KCNB2: variants seen among roughly 807,000 people sequenced by gnomAD.
KCNB2 encodes potassium voltage-gated channel subfamily B member 2.
KCNB2 carries 15 observed loss-of-function variants against 61.5 expected under a neutral mutation model. The observed-to-expected ratio is 0.24, with a 90% confidence interval of 0.16 to 0.38. The LOEUF is 0.38. Among genes scored for constraint, KCNB2 ranks in the 10% least tolerant of loss-of-function variants. The probability of loss-of-function intolerance (pLI) is 1.00; values close to 1 mark genes in which losing one functional copy is unlikely to be tolerated. For missense variants in KCNB2, 828 were observed against 1,125.2 expected (o/e 0.74, Z 3.78); for synonymous variants, 457 against 446.0 (o/e 1.02, Z -0.31).
At chr8:72,806,097 C>G (rs187116200) in intron 2 of KCNB2, among the ~76,000 whole-genome samples, 1 of 152,092 alleles carries the variant, frequency 6.6e-6, no homozygotes, top group South Asian at 2.1e-4. Context: ...TGGTGGCTCA[C>G]GCCTGTAATC....
chr8:72,716,754 A>C (rs2128992357), intron 2 of KCNB2, among the ~76,000 whole-genome samples: 1 of 152,218 alleles, frequency 6.6e-6, no homozygotes, highest in East Asian at 1.9e-4. Context: ...AACTGGCACA[A>C]GACAGGGATG....
chr8:72,848,443 A>C (rs1294470111), intron 2 of KCNB2, among the ~76,000 whole-genome samples: 1 of 151,960 alleles, frequency 6.6e-6, no homozygotes, highest in Non-Finnish European at 1.5e-5. Context: ...GAATAATAAT[A>C]AATTTATTAT....
chr8:72,850,190 A>AGTGTGTGT (rs745821437), intron 2 of KCNB2, among the ~76,000 whole-genome samples: 2 of 87,838 alleles, frequency 2.3e-5, no homozygotes, highest in Non-Finnish European at 2.6e-5. Context: ...AGTGTATGTA[A>AGTGTGTGT]GTGTGTGTGT....
chr8:72,588,799 G>A (rs1296216176), intron 2 of KCNB2, among the ~76,000 whole-genome samples: 1 of 152,064 alleles, frequency 6.6e-6, no homozygotes, highest in Non-Finnish European at 1.5e-5. Context: ...TGGAGGCTGA[G>A]GTGGGAGAAT....
At chr8:72,565,521 A>G (rs1277393993) in intron 1 of KCNB2, among the ~76,000 whole-genome samples, 1 of 152,172 alleles carries the variant, frequency 6.6e-6, no homozygotes, top group Non-Finnish European at 1.5e-5. Context: ...AAAACATTAT[A>G]GGGGAAGATA....
intron 2 of KCNB2, among the ~76,000 whole-genome samples, chr8:72,715,867 C>T (rs2128992271): frequency 6.6e-6 from 1 of 152,206 alleles, no homozygotes; most frequent in South Asian, 2.1e-4. Flanking sequence ...ATCAATGAAT[C>T]CAGGAGCTGG....
intron 2 of KCNB2, among the ~76,000 whole-genome samples, chr8:72,652,723 TA>T (rs1222649355): frequency 6.6e-6 from 1 of 152,104 alleles, no homozygotes; most frequent in Non-Finnish European, 1.5e-5. Flanking sequence ...TTAATATGTT[TA>T]GTATGTATTT....
At chr8:72,923,239 A>T (rs988775441) in intron 2 of KCNB2, among the ~76,000 whole-genome samples, 1 of 151,872 alleles carries the variant, frequency 6.6e-6, no homozygotes, top group Non-Finnish European at 1.5e-5. Flanking sequence ...AGACTTAAAA[A>T]GTTACCTGAC....
chr8:72,634,958 G>A (rs927076733), intron 2 of KCNB2, among the ~76,000 whole-genome samples: 6 of 152,190 alleles, frequency 3.9e-5, no homozygotes, highest in Non-Finnish European at 7.3e-5. Flanking sequence ...AAAGCCTGGA[G>A]ACATGCTAGC....
intron 2 of KCNB2, among the ~76,000 whole-genome samples, chr8:72,586,563 G>T (rs1250426073): frequency 1.3e-5 from 2 of 152,268 alleles, no homozygotes; most frequent in East Asian, 3.9e-4. Context: ...ATGATGTCTG[G>T]GAAACAGACA....
intron 2 of KCNB2, among the ~76,000 whole-genome samples, chr8:72,696,749 C>T (rs1807024549): frequency 6.6e-6 from 1 of 152,096 alleles, no homozygotes; most frequent in Non-Finnish European, 1.5e-5. Context: ...CTTTAGGGAC[C>T]TTTATGAACC....
chr8:72,793,358 G>C (rs1036588320), intron 2 of KCNB2, among the ~76,000 whole-genome samples: 1 of 152,152 alleles, frequency 6.6e-6, no homozygotes, highest in African/African-American at 2.4e-5. Context: ...TATCTGTGGA[G>C]GTGACAATTG....
intron 2 of KCNB2, among the ~76,000 whole-genome samples, chr8:72,728,124 C>T (rs1807682474): frequency 6.6e-6 from 1 of 152,156 alleles, no homozygotes; most frequent in Non-Finnish European, 1.5e-5. Flanking sequence ...TGGAGGCCAA[C>T]TCTCCTTTTA....
chr8:72,561,756 T>TATATAG (rs1806530473), intron 1 of KCNB2, among the ~76,000 whole-genome samples: 1 of 25,228 alleles, frequency 4.0e-5, no homozygotes. Context: ...TGTATATATA[T>TATATAG]ATATGGATAT....
At chr8:72,884,266 G>A (rs544535256) in intron 2 of KCNB2, among the ~76,000 whole-genome samples, 16 of 151,590 alleles carry the variant, frequency 1.1e-4, no homozygotes, top group African/African-American at 3.9e-4. Context: ...TTTCTCTTGG[G>A]TTGTCTTCTT....
At chr8:72,730,974 G>A (rs1807729403) in intron 2 of KCNB2, among the ~76,000 whole-genome samples, 1 of 152,178 alleles carries the variant, frequency 6.6e-6, no homozygotes, top group Non-Finnish European at 1.5e-5. Flanking sequence ...TGACCAGGAA[G>A]CCATGGTTAA....
chr8:72,924,125 G>A (rs1449388182), intron 2 of KCNB2, among the ~76,000 whole-genome samples: 1 of 152,174 alleles, frequency 6.6e-6, no homozygotes, highest in Non-Finnish European at 1.5e-5. Context: ...AAGTTGAATT[G>A]TGTTATGTGA....
intron 2 of KCNB2, among the ~76,000 whole-genome samples, chr8:72,571,103 A>G (rs904977677): frequency 5.9e-5 from 9 of 152,348 alleles, no homozygotes; most frequent in African/African-American, 2.2e-4. Flanking sequence ...GATCCCTAGT[A>G]TGGAAGGAAA....
rs200579710 is a variant in KCNB2, at chr8:72,602,952, TA to T, written c.579+34652del. On this transcript the variant is annotated intron_variant, in intron 2 of 2. Transcript: ENST00000523207. ...CTTAGTTTCCTTTGAGGTTAAGCAC[TA>T]AAAAAAAAAAAAGGCGGCATGCCCG... 7.1e-3 allele frequency among the ~76,000 whole-genome samples: 971 copies of T among 137,122 alleles called. 8 individuals are homozygous for T. The highest frequency in any genetic ancestry group is 0.021 in the Admixed American group (284 of 13,714). 90.0% of individuals were successfully genotyped at this position (137,122 alleles called of 152,430 possible). A position where few individuals can be genotyped will look rare whatever the true frequency, so the allele number is the denominator to read the frequency against.
Sources: gnomAD v4.1 joint callset for allele counts (sites outside exome capture counted in the v4.1 genomes callset) on GRCh38, gnomAD v4.1.1 for gene constraint, MANE v1.5 for transcripts, NCBI Gene and HGNC (gene_info 2026-07-23, HGNC 2026-07-21) for gene names.